Variants in ACYP2 observed in about 807,000 individuals in gnomAD.
ACYP2 encodes acylphosphatase 2.
A neutral mutation model predicts 11.2 loss-of-function variants in ACYP2; 12 were observed. That is an observed-to-expected ratio of 1.08 (90% CI 0.69 to 1.74). ACYP2 has a LOEUF of 1.74. ACYP2 is among the 40% of genes most tolerant of loss of function. ACYP2 has a pLI of 0.00. For synonymous variants in ACYP2, 43 were observed against 32.2 expected (o/e 1.33, Z -1.13); for missense variants, 134 against 101.9 (o/e 1.31, Z -1.35).
At chr2:54,096,935 C>G (rs997550683) in intron 4 of ACYP2, among the ~76,000 whole-genome samples, 1 of 152,164 alleles carries the variant, frequency 6.6e-6, no homozygotes, top group East Asian at 1.9e-4. Flanking sequence ...GTCTTGAACT[C>G]TTGACCTCAA....
rs78255123 is a variant in ACYP2 at position 54,112,117 on chromosome 2, C to T, written c.278-23336C>T. ...ATTATCTATGCTTATTTTACAGATT[C>T]TGGTGCCTGGTCATCTTTTACAGTC... On this transcript the variant is annotated intron_variant, in intron 4 of 6. Coordinates refer to ENST00000607452, the MANE Select transcript of ACYP2 (RefSeq NM_001320586.2). Among the ~76,000 whole-genome samples the T allele has an allele frequency of 7.3e-3, 1,105 of 152,214 alleles. 13 individuals carry two copies. The highest frequency in any genetic ancestry group is 0.024 in the African/African-American group (993 of 41,524).
chr2:54,251,967 G>A (rs1687244965), intron 6 of ACYP2, among the ~76,000 whole-genome samples: 2 of 152,158 alleles, frequency 1.3e-5, no homozygotes, highest in African/African-American at 4.8e-5. Context: ...AGAGCTCAGG[G>A]AACCAGTGCA....
chr2:54,068,551 G>C (rs977269628), intron 4 of ACYP2, among the ~76,000 whole-genome samples: 28 of 152,190 alleles, frequency 1.8e-4, no homozygotes, highest in African/African-American at 6.3e-4. Flanking sequence ...GCATAAACTA[G>C]GTCCAAAGAG....
intron 6 of ACYP2, chr2:54,253,761 G>C (rs1221810674): frequency 2.0e-5 from 3 of 152,148 alleles, no homozygotes; most frequent in African/African-American, 7.2e-5. Context: ...ATTCCATACA[G>C]CTCTGTAGTC....
At chr2:54,015,649 A>T (rs879884940) in intron 2 of ACYP2, among the ~76,000 whole-genome samples, 12,351 of 61,558 alleles carry the variant, frequency 0.2, 641 homozygotes, top group East Asian at 0.32. Flanking sequence ...ACCCCGTCAC[A>T]CACACACACA....
At chr2:54,069,725 T>G (rs913758042) in intron 4 of ACYP2, among the ~76,000 whole-genome samples, 6 of 152,042 alleles carry the variant, frequency 3.9e-5, no homozygotes, top group Non-Finnish European at 7.4e-5. Flanking sequence ...AATGGAAAGA[T>G]TCACATGATG....
intron 6 of ACYP2, among the ~76,000 whole-genome samples, chr2:54,212,050 G>C (rs1196919754): frequency 6.6e-6 from 1 of 152,172 alleles, no homozygotes; most frequent in Admixed American, 6.5e-5. Context: ...GATGAATGAA[G>C]GGATAAACAA....
At chr2:54,129,359 C>A (rs1264094363) in intron 4 of ACYP2, among the ~76,000 whole-genome samples, 1 of 152,020 alleles carries the variant, frequency 6.6e-6, no homozygotes, top group Non-Finnish European at 1.5e-5. Context: ...TCTCGAACTC[C>A]TGGGCTCAAT....
chr2:54,117,347 G>C (rs576797891), intron 4 of ACYP2, among the ~76,000 whole-genome samples: 1 of 152,256 alleles, frequency 6.6e-6, no homozygotes, highest in East Asian at 1.9e-4. Flanking sequence ...ACTGGAGCAA[G>C]TGCAATGGCA....
At chr2:54,239,749 C>G (rs1028943314) in intron 6 of ACYP2, among the ~76,000 whole-genome samples, 1 of 152,074 alleles carries the variant, frequency 6.6e-6, no homozygotes, top group African/African-American at 2.4e-5. Flanking sequence ...CCCATGGTGA[C>G]CTAAGAAGGT....
chr2:54,268,559 TG>T (rs1298952928), intron 6 of ACYP2, among the ~76,000 whole-genome samples: 6 of 148,694 alleles, frequency 4.0e-5, no homozygotes, highest in Non-Finnish European at 7.4e-5. Flanking sequence ...CCCAGCAAGT[TG>T]GGAGGCTGAG....
At chr2:54,084,914 A>C (rs1347412741) in intron 4 of ACYP2, 1 of 152,140 alleles carries the variant, frequency 6.6e-6, no homozygotes, top group Non-Finnish European at 1.5e-5. Context: ...GATAATATTG[A>C]AATTAGGTTA....
chr2:54,007,844 GAC>G (rs1673161552), intron 2 of ACYP2, among the ~76,000 whole-genome samples: 1 of 151,992 alleles, frequency 6.6e-6, no homozygotes, highest in African/African-American at 2.4e-5. Context: ...CAGCCTGGGT[GAC>G]AGAGTGAGAC....
intron 6 of ACYP2, among the ~76,000 whole-genome samples, chr2:54,186,871 G>C (rs1443507552): frequency 6.6e-6 from 1 of 151,860 alleles, no homozygotes; most frequent in Non-Finnish European, 1.5e-5. Flanking sequence ...TAGCATAGTA[G>C]TTAAATAAAT....
intron 6 of ACYP2, among the ~76,000 whole-genome samples, chr2:54,243,471 C>CTTATTTAT (rs557087991): frequency 1.3e-5 from 2 of 152,182 alleles, no homozygotes; most frequent in African/African-American, 4.8e-5. Context: ...CATAGTCCAT[C>CTTATTTAT]TTATTTATTT....
intron 6 of ACYP2, among the ~76,000 whole-genome samples, chr2:54,296,408 G>C (rs1389245507): frequency 6.6e-6 from 1 of 152,084 alleles, no homozygotes; most frequent in Admixed American, 6.5e-5. Flanking sequence ...TCTTGTATAG[G>C]AACAAAAAAT....
At chr2:54,161,094 A>C (rs560682969) in intron 6 of ACYP2, among the ~76,000 whole-genome samples, 2 of 152,324 alleles carry the variant, frequency 1.3e-5, no homozygotes, top group South Asian at 4.1e-4. Flanking sequence ...AAGTTCCAGC[A>C]GTGTGAGTTC....
At chr2:54,046,780 T>C (rs934165551) in intron 2 of ACYP2, among the ~76,000 whole-genome samples, 4 of 152,166 alleles carry the variant, frequency 2.6e-5, no homozygotes, top group African/African-American at 7.2e-5. Context: ...AAATTATTAA[T>C]AATTTTTGAA....
chr2:54,168,183 G>C (rs1295443835), intron 6 of ACYP2, among the ~76,000 whole-genome samples: 1 of 152,112 alleles, frequency 6.6e-6, no homozygotes, highest in African/African-American at 2.4e-5. Flanking sequence ...CCAGCACTTT[G>C]GTAGGTTGAG....
Sources: allele counts gnomAD v4.1 joint callset (sites outside exome capture counted in the v4.1 genomes callset), GRCh38; gene constraint gnomAD v4.1.1; transcripts MANE v1.5; gene names NCBI Gene and HGNC (gene_info 2026-07-23, HGNC 2026-07-21).